Variants in NAALADL2 observed in about 807,000 individuals in gnomAD.
NAALADL2 encodes inactive N-acetylated-alpha-linked acidic dipeptidase-like protein 2.
In NAALADL2, 76 loss-of-function variants were observed where a neutral mutation model predicts 87.2. That is an observed-to-expected ratio of 0.87 (90% confidence interval 0.72 to 1.05). The LOEUF (loss-of-function observed/expected upper bound fraction) is 1.05, where lower values mean the gene tolerates loss of function less well. Among genes scored for constraint, NAALADL2 ranks in the 50% least tolerant of loss-of-function variants. The pLI is 0.00. For missense variants in NAALADL2, 1,089 were observed against 945.8 expected (o/e 1.15, Z -1.99); for synonymous variants, 354 against 331.0 (o/e 1.07, Z -0.75).
At chr3:174,597,712 G>T (rs529215517) in intron 2 of NAALADL2, among the ~76,000 whole-genome samples, 6 of 152,122 alleles carry the variant, frequency 3.9e-5, no homozygotes, top group Admixed American at 6.6e-5. Flanking sequence ...GAATAAAAAG[G>T]GTTCATTGGG....
At chr3:174,908,551 C>T (rs757949497) in intron 1 of NAALADL2, among the ~76,000 whole-genome samples, 62 of 151,760 alleles carry the variant, frequency 4.1e-4, no homozygotes, top group Non-Finnish European at 6.9e-4. Flanking sequence ...GTCATTTGTG[C>T]GGGTATATCT....
At chr3:175,291,820 G>A (rs1055725650) in intron 4 of NAALADL2, among the ~76,000 whole-genome samples, 4 of 152,110 alleles carry the variant, frequency 2.6e-5, no homozygotes, top group African/African-American at 9.7e-5. Context: ...ATACAATGGA[G>A]TTTCAAAGCT....
At position 175,803,432 on chromosome 3, in the gene NAALADL2, G is replaced by A. The variant is rs1754428388; in HGVS notation, c.*229G>A. The A allele has an allele frequency of 9.3e-6, 3 of 321,104 alleles. No homozygotes were observed. The highest frequency in any genetic ancestry group is 5.7e-6 in the Non-Finnish European group (1 of 176,486). 19.9% of individuals were successfully genotyped at this position (321,104 alleles called of 1,614,324 possible). ...ATATGTAAAGCAAGTTATTGAAATAGGACTTAAGAATTACCTATTAAAAAG... is the reference window on the plus strand; with the variant it reads ...ATATGTAAAGCAAGTTATTGAAATAAGACTTAAGAATTACCTATTAAAAAG... On this transcript the variant is annotated 3_prime_UTR_variant, in exon 14 of 14. Transcript: ENST00000454872.
Position 175,097,135 on chromosome 3 carries a change from G to A in NAALADL2, c.389G>A (p.Cys130Tyr), listed in dbSNP as rs767320484. 1.3e-5 allele frequency: 21 copies of A among 1,613,592 alleles called. No individual in the cohort carries two copies. The highest frequency in any genetic ancestry group is 1.8e-5 in the Non-Finnish European group (21 of 1,179,720). Reference protein sequence around the residue: ...CNFCHVLKILCTATILFIFGI... With the variant: ...CNFCHVLKILYTATILFIFGI... ...TTTTGCCACGTCTTAAAAATACTTT[G>A]CACAGCCACCATTTTATTTATTTTT... The change falls in exon 2 of 14, where the codon TGC (cysteine) becomes TAC (tyrosine). Residue 130 changes from cysteine (C) to tyrosine (Y), a missense_variant. Cys to Tyr is a radical substitution (Grantham distance 194). Coordinates refer to ENST00000454872, the MANE Select transcript of NAALADL2 (RefSeq NM_207015.3).
intron 1 of NAALADL2, among the ~76,000 whole-genome samples, chr3:174,487,171 T>C (rs1448703789): frequency 2.0e-5 from 3 of 152,106 alleles, no homozygotes; most frequent in South Asian, 4.1e-4. Flanking sequence ...AGGAGAAACA[T>C]AGAAAGTCCT....
intron 2 of NAALADL2, among the ~76,000 whole-genome samples, chr3:174,673,952 A>T (rs575220876): frequency 1.8e-3 from 268 of 152,188 alleles, no homozygotes; most frequent in African/African-American, 6.3e-3. Flanking sequence ...TAATAAAAAA[A>T]AATTGGCAGC....
intron 2 of NAALADL2, among the ~76,000 whole-genome samples, chr3:175,163,791 A>G (rs1733584088): frequency 6.6e-6 from 1 of 152,204 alleles, no homozygotes; most frequent in Non-Finnish European, 1.5e-5. Flanking sequence ...TGGTTTGTAC[A>G]AGCCTTGGGT....
At chr3:175,337,845 G>A (rs145298268) in intron 5 of NAALADL2, among the ~76,000 whole-genome samples, 1 of 152,230 alleles carries the variant, frequency 6.6e-6, no homozygotes, top group East Asian at 1.9e-4. Context: ...GCAACTATTA[G>A]ATGTTTCACT....
intron 9 of NAALADL2, chr3:175,487,575 G>C (rs1319333449): frequency 4.4e-6 from 2 of 455,332 alleles, no homozygotes; most frequent in African/African-American, 2.0e-5. Flanking sequence ...TATCCACAGA[G>C]CTCTTATATG....
chr3:174,822,167 C>T (rs1194284178), intron 3 of NAALADL2, among the ~76,000 whole-genome samples: 3 of 151,782 alleles, frequency 2.0e-5, no homozygotes, highest in Non-Finnish European at 4.4e-5. Flanking sequence ...CAAACACACA[C>T]ACAGGGCGGA....
intron 3 of NAALADL2, among the ~76,000 whole-genome samples, chr3:175,247,334 T>C (rs970596096): frequency 2.6e-5 from 4 of 152,154 alleles, no homozygotes; most frequent in African/African-American, 9.7e-5. Context: ...TCATTATAGT[T>C]AGGCATTGCA....
intron 5 of NAALADL2, among the ~76,000 whole-genome samples, chr3:175,359,642 A>G (rs1764762332): frequency 6.6e-6 from 1 of 152,122 alleles, no homozygotes; most frequent in African/African-American, 2.4e-5. Flanking sequence ...CTTTTTATTT[A>G]TGAGTAGTAA....
chr3:175,494,586 T>A (rs951505023), intron 9 of NAALADL2, among the ~76,000 whole-genome samples: 43 of 152,048 alleles, frequency 2.8e-4, no homozygotes, highest in Non-Finnish European at 7.4e-5. Flanking sequence ...TAGCATAAGT[T>A]CAGTATATTC....
intron 4 of NAALADL2, among the ~76,000 whole-genome samples, chr3:175,299,306 TG>T (rs535989169): frequency 1.1e-3 from 173 of 152,144 alleles, no homozygotes; most frequent in Middle Eastern, 3.4e-3. Context: ...TTTTTGTTTT[TG>T]TTTTTTTTAA....
At chr3:175,244,589 C>T (rs971295201) in intron 3 of NAALADL2, among the ~76,000 whole-genome samples, 12 of 152,102 alleles carry the variant, frequency 7.9e-5, no homozygotes, top group African/African-American at 2.7e-4. Context: ...AATCCCATCG[C>T]TATAAAAATG....
At chr3:174,886,840 C>T (rs1418887566) in intron 1 of NAALADL2, among the ~76,000 whole-genome samples, 1 of 152,056 alleles carries the variant, frequency 6.6e-6, no homozygotes, top group Non-Finnish European at 1.5e-5. Context: ...CCATGTCTAC[C>T]TACTTCTCCT....
intron 5 of NAALADL2, among the ~76,000 whole-genome samples, chr3:175,351,659 C>A (rs908181231): frequency 6.6e-6 from 1 of 151,954 alleles, no homozygotes; most frequent in Non-Finnish European, 1.5e-5. Context: ...AATTTGCGTA[C>A]GTGTGGCAAT....
intron 2 of NAALADL2, among the ~76,000 whole-genome samples, chr3:175,215,454 T>C (rs1388850395): frequency 6.6e-6 from 1 of 152,174 alleles, no homozygotes; most frequent in African/African-American, 2.4e-5. Context: ...AAACCTGTGT[T>C]GGAGCCGTGC....
intron 2 of NAALADL2, among the ~76,000 whole-genome samples, chr3:174,555,433 G>A (rs7617426): frequency 0.11 from 16,945 of 151,946 alleles, 993 homozygotes; most frequent in African/African-American, 0.15. Flanking sequence ...CCGAGTAGCC[G>A]GGATTACAGG....
Sources: gnomAD v4.1 joint callset for allele counts (sites outside exome capture counted in the v4.1 genomes callset) on GRCh38, gnomAD v4.1.1 for gene constraint, MANE v1.5 for transcripts, NCBI Gene and HGNC (gene_info 2026-07-23, HGNC 2026-07-21) for gene names.